The following COL22A1 variants were observed in gnomAD, a reference collection of about 807,000 sequenced individuals.
The protein encoded by COL22A1 is collagen type XXII alpha 1 chain.
A neutral mutation model predicts 248.9 loss-of-function variants in COL22A1; 221 were observed. The ratio of observed to expected loss-of-function variants is 0.89; its 90% CI spans 0.80 to 0.99. COL22A1 has a LOEUF of 0.99. COL22A1 is among the 50% of genes least tolerant of loss of function. The pLI, the probability that COL22A1 is intolerant of heterozygous loss-of-function variation, is 0.00. For missense variants in COL22A1, 2,240 were observed against 2,179.0 expected (o/e 1.03, Z -0.56); for synonymous variants, 891 against 793.4 (o/e 1.12, Z -2.07).
Position 138,688,902 on chromosome 8 carries a change from T to C in COL22A1, c.2862+15A>G. The C allele has an allele frequency of 1.2e-6, 2 of 1,607,246 alleles. No individual in the cohort carries two copies. The highest frequency in any genetic ancestry group is 1.7e-6 in the Non-Finnish European group (2 of 1,173,930). ...GGATATTCACTTGTGTGCTGAGAGA[T>C]CATATTGGTCTTACCTTCTCACCAC... On this transcript the variant is annotated intron_variant, in intron 37 of 64. Transcript: ENST00000303045.
At chr8:138,790,270 C>G (rs6991720) in intron 12 of COL22A1, among the ~76,000 whole-genome samples, 44,847 of 152,036 alleles carry the variant, frequency 0.29, 7,072 homozygotes, top group African/African-American at 0.4. Flanking sequence ...AACGGGCTCT[C>G]TGGGATCTCT....
At chr8:138,910,628 T>A (rs998373659) in intron 1 of COL22A1, among the ~76,000 whole-genome samples, 1 of 152,036 alleles carries the variant, frequency 6.6e-6, no homozygotes, top group East Asian at 1.9e-4. Flanking sequence ...AATTCTTGAA[T>A]AGGGGATTGG....
At chr8:138,604,324 G>A (rs2131844881) in intron 59 of COL22A1, among the ~76,000 whole-genome samples, 1 of 152,288 alleles carries the variant, frequency 6.6e-6, no homozygotes, top group African/African-American at 2.4e-5. Flanking sequence ...CTGTGGAGGG[G>A]CAAGGCTGGA....
intron 63 of COL22A1, 116 bp downstream of exon 63, chr8:138,593,901 C>A: frequency 1.3e-6 from 1 of 774,650 alleles, no homozygotes; most frequent in East Asian, 3.1e-5. Context: ...TGGGTGTTAC[C>A]AAGCTACAGG....
At chr8:138,762,565 G>A (rs1049160187) in intron 16 of COL22A1, 99 bp from the exon 17 acceptor site, 2 of 1,130,408 alleles carry the variant, frequency 1.8e-6, no homozygotes, top group Middle Eastern at 2.0e-4. Flanking sequence ...AAGGAGGGTG[G>A]GGAAAAGGTG....
At chr8:138,851,352 G>C (rs767739779) in intron 3 of COL22A1, among the ~76,000 whole-genome samples, 4 of 152,194 alleles carry the variant, frequency 2.6e-5, no homozygotes, top group Non-Finnish European at 5.9e-5. Context: ...AGGACGAGAG[G>C]GACAGGAGAG....
intron 1 of COL22A1, among the ~76,000 whole-genome samples, chr8:138,901,818 C>T (rs1182762771): frequency 6.6e-6 from 1 of 152,090 alleles, no homozygotes; most frequent in Non-Finnish European, 1.5e-5. Flanking sequence ...TTGCACCTAC[C>T]TCTCCGGTGT....
At chr8:138,681,756 C>A (rs1825979967) in intron 39 of COL22A1, among the ~76,000 whole-genome samples, 1 of 152,194 alleles carries the variant, frequency 6.6e-6, no homozygotes, top group South Asian at 2.1e-4. Flanking sequence ...TATATACCCA[C>A]TGTTCCAGGC....
intron 9 of COL22A1, 144 bp from the exon 10 acceptor site, chr8:138,807,956 T>C (rs1817869338): frequency 2.7e-6 from 2 of 744,864 alleles, no homozygotes; most frequent in Admixed American, 2.4e-5. Flanking sequence ...GCAAGGAAAT[T>C]GGTTGACTGT....
At chr8:138,606,100 C>T (rs889735909) in intron 58 of COL22A1, among the ~76,000 whole-genome samples, 36 of 152,154 alleles carry the variant, frequency 2.4e-4, no homozygotes, top group African/African-American at 8.4e-4. Flanking sequence ...TAGATGCTGT[C>T]GTTATCCTCG....
chr8:138,762,769 G>A (rs559597393), intron 16 of COL22A1, among the ~76,000 whole-genome samples: 2 of 147,808 alleles, frequency 1.4e-5, no homozygotes, highest in South Asian at 4.4e-4. Flanking sequence ...ACGGTTCATG[G>A]GGGTCAAACA....
chr8:138,908,420 T>A (rs1815187426), intron 1 of COL22A1, among the ~76,000 whole-genome samples: 1 of 152,246 alleles, frequency 6.6e-6, no homozygotes, highest in South Asian at 2.1e-4. Flanking sequence ...ATTTAAAACA[T>A]TCTAACAAGG....
At chr8:138,741,180 C>T (rs1022305994) in intron 22 of COL22A1, among the ~76,000 whole-genome samples, 42 of 152,346 alleles carry the variant, frequency 2.8e-4, no homozygotes, top group African/African-American at 9.6e-4. Flanking sequence ...CCCTTCACAT[C>T]TCAGCCCATC....
At chr8:138,624,974 G>A (rs1379701073) in intron 51 of COL22A1, among the ~76,000 whole-genome samples, 1 of 152,226 alleles carries the variant, frequency 6.6e-6, no homozygotes, top group African/African-American at 2.4e-5. Flanking sequence ...AGAACCTACA[G>A]CACAGAATAT....
intron 11 of COL22A1, among the ~76,000 whole-genome samples, chr8:138,798,614 G>C (rs1816752723): frequency 1.3e-5 from 2 of 152,036 alleles, no homozygotes; most frequent in Non-Finnish European, 2.9e-5. Flanking sequence ...ATGCGTGTTT[G>C]TTAACACCAA....
At chr8:138,658,412 T>C (rs1247968656) in intron 44 of COL22A1, among the ~76,000 whole-genome samples, 4 of 152,232 alleles carry the variant, frequency 2.6e-5, no homozygotes, top group African/African-American at 9.6e-5. Context: ...TACCTCAGTC[T>C]GACCTCCAGA....
At chr8:138,774,056 G>A (rs1243940544) in intron 16 of COL22A1, among the ~76,000 whole-genome samples, 1 of 152,198 alleles carries the variant, frequency 6.6e-6, no homozygotes, top group Admixed American at 6.5e-5. Context: ...TCCTCACCAT[G>A]TGAGGGAAGG....
In COL22A1 at chr8:138,901,364, T is replaced by TTTTTTG. The variant is rs996215665; in HGVS notation, c.-73+12254_-73+12255insCAAAAA. On this transcript the variant is annotated intron_variant, in intron 1 of 64. Transcript: ENST00000303045. Reference sequence around the variant, plus strand: ...ATCCACTCATTACTGGCAGGTTTTTTTTTTGTTTTTTTTTTTTTTTGAGAC... The same window carrying TTTTTTG: ...ATCCACTCATTACTGGCAGGTTTTTTTTTTTGTTTTGTTTTTTTTTTTTTTTGAGAC... Among the ~76,000 whole-genome samples, 4 of 93,896 alleles carry TTTTTTG rather than the reference T, an allele frequency of 4.3e-5. 1 individual carries two copies. The highest frequency in any genetic ancestry group is 1.4e-4 in the African/African-American group (4 of 29,104). The allele number at this position is 93,896 out of a possible 152,430, so 61.6% of individuals were successfully genotyped here.
chr8:138,910,992 C>A (rs1587029201), intron 1 of COL22A1, among the ~76,000 whole-genome samples: 1 of 152,186 alleles, frequency 6.6e-6, no homozygotes, highest in East Asian at 1.9e-4. Context: ...GACCAGCAGA[C>A]TATTAAGGCT....
Sources: allele counts gnomAD v4.1 joint callset (sites outside exome capture counted in the v4.1 genomes callset), GRCh38; gene constraint gnomAD v4.1.1; transcripts MANE v1.5; gene names NCBI Gene and HGNC (gene_info 2026-07-23, HGNC 2026-07-21).